Variants in FBN2 observed in about 807,000 individuals in gnomAD.
The protein encoded by FBN2 is fibrillin-2.
FBN2 carries 105 observed loss-of-function variants against 355.6 expected under a neutral mutation model. That is an observed-to-expected ratio of 0.30 (90% CI 0.25 to 0.35). The LOEUF (loss-of-function observed/expected upper bound fraction) is 0.35. FBN2 is among the 10% of genes least tolerant of loss of function. The pLI, the probability that FBN2 is intolerant of heterozygous loss-of-function variation, is 1.00. For missense variants in FBN2, 3,280 were observed against 3,758.7 expected (o/e 0.87, Z 3.33); for synonymous variants, 1,350 against 1,301.2 (o/e 1.04, Z -0.81).
At chr5:128,356,582 A>C (rs531541571) in intron 20 of FBN2, among the ~76,000 whole-genome samples, 9 of 152,380 alleles carry the variant, frequency 5.9e-5, no homozygotes, top group Non-Finnish European at 1.2e-4. Context: ...AGAGGCTAGA[A>C]GTAGGGAAAA....
chr5:128,322,149 T>C (rs1268768767), intron 34 of FBN2, among the ~76,000 whole-genome samples: 1 of 152,132 alleles, frequency 6.6e-6, no homozygotes, highest in Non-Finnish European at 1.5e-5. Flanking sequence ...TTTTTTTTCT[T>C]GTAAATTTAA....
At chr5:128,431,183 A>G (rs191906812) in intron 7 of FBN2, among the ~76,000 whole-genome samples, 1 of 152,368 alleles carries the variant, frequency 6.6e-6, no homozygotes, top group East Asian at 1.9e-4. Flanking sequence ...AAAACAGTAG[A>G]GCCAAATTTA....
intron 13 of FBN2, among the ~76,000 whole-genome samples, chr5:128,377,420 T>C (rs1410028589): frequency 6.6e-6 from 1 of 152,104 alleles, no homozygotes; most frequent in Admixed American, 6.6e-5. Flanking sequence ...ACACCTGAAA[T>C]ACAGTAGCGG....
At chr5:128,307,225 A>C (rs202199515) in intron 41 of FBN2, 22 bp from the exon 42 acceptor site, 22 of 1,376,636 alleles carry the variant, frequency 1.6e-5, no homozygotes, top group Non-Finnish European at 2.0e-5. Flanking sequence ...AAACAAAGCA[A>C]TGCACTCTTA....
At chr5:128,349,184 T>C (rs1751276767) in intron 23 of FBN2, among the ~76,000 whole-genome samples, 163 bp downstream of exon 23, 1 of 152,200 alleles carries the variant, frequency 6.6e-6, no homozygotes. Flanking sequence ...TTCGCATAAA[T>C]ACATTCACTT....
At chr5:128,343,574 T>A (rs767082211) in intron 25 of FBN2, among the ~76,000 whole-genome samples, 1 of 152,092 alleles carries the variant, frequency 6.6e-6, no homozygotes, top group African/African-American at 2.4e-5. Flanking sequence ...AAGACACAGC[T>A]CAAGGGTCTG....
intron 39 of FBN2, among the ~76,000 whole-genome samples, chr5:128,310,530 C>G (rs911457503): frequency 6.6e-6 from 1 of 151,530 alleles, no homozygotes; most frequent in Non-Finnish European, 1.5e-5. Context: ...GTTGGGAAAG[C>G]CTTTGTCTTT....
chr5:128,492,529 G>A (rs1001701967), intron 5 of FBN2, among the ~76,000 whole-genome samples: 10 of 152,228 alleles, frequency 6.6e-5, no homozygotes, highest in South Asian at 6.2e-4. Flanking sequence ...CTGGCTGGGC[G>A]CGGTAGCTCA....
At chr5:128,383,480 G>A (rs919615912) in intron 11 of FBN2, among the ~76,000 whole-genome samples, 1 of 151,880 alleles carries the variant, frequency 6.6e-6, no homozygotes, top group Non-Finnish European at 1.5e-5. Flanking sequence ...AAGCTTCGTC[G>A]GAATTAAAAA....
intron 7 of FBN2, among the ~76,000 whole-genome samples, chr5:128,427,455 A>G (rs73784597): frequency 6.6e-6 from 1 of 152,190 alleles, no homozygotes. Context: ...CATAGACCTC[A>G]GACCAAGGGG....
At chr5:128,479,423 T>C (rs965244571) in intron 5 of FBN2, among the ~76,000 whole-genome samples, 1 of 152,174 alleles carries the variant, frequency 6.6e-6, no homozygotes, top group Non-Finnish European at 1.5e-5. Flanking sequence ...ACGTATATAG[T>C]AATATTATAT....
intron 5 of FBN2, among the ~76,000 whole-genome samples, chr5:128,512,833 G>A (rs1425038344): frequency 6.6e-6 from 1 of 151,884 alleles, no homozygotes; most frequent in African/African-American, 2.4e-5. Flanking sequence ...TTGATAACTG[G>A]GGAGTCCTCT....
At chr5:128,445,105 A>G (rs1314677161) in intron 7 of FBN2, among the ~76,000 whole-genome samples, 1 of 152,214 alleles carries the variant, frequency 6.6e-6, no homozygotes, top group African/African-American at 2.4e-5. Flanking sequence ...CATGTCTTCC[A>G]AGTGTTACTT....
intron 7 of FBN2, among the ~76,000 whole-genome samples, chr5:128,409,702 C>T (rs1014782355): frequency 2.0e-5 from 3 of 151,866 alleles, no homozygotes; most frequent in Non-Finnish European, 4.4e-5. Flanking sequence ...ACAGAGGTAG[C>T]AAAAGCCAGT....
At chr5:128,506,216 T>C (rs978379160) in intron 5 of FBN2, among the ~76,000 whole-genome samples, 5 of 152,160 alleles carry the variant, frequency 3.3e-5, no homozygotes, top group African/African-American at 1.2e-4. Flanking sequence ...AGACTTTTGC[T>C]GTGATTTTGA....
At position 128,273,068 on chromosome 5, in the gene FBN2, T is replaced by TA. The variant is rs538383659; in HGVS notation, c.7840+771dup. Among the ~76,000 whole-genome samples the TA allele has an allele frequency of 1.5e-3, 230 of 152,266 alleles. 1 individual carries two copies. Among genetic ancestry groups the TA allele is most frequent in the African/African-American group, 5.4e-3 (224 of 41,546 alleles). On this transcript the variant is annotated intron_variant, in intron 61 of 64. Transcript: ENST00000262464. ...CAAATCATATATTTCTAAGAATAGT[T>TA]AATGTTAAAAGGGTGATTAAAATCA...
Position 128,307,007 on chromosome 5 carries a change from C to A in FBN2, c.5422+128G>T, listed in dbSNP as rs890200862. On this transcript the variant is annotated intron_variant, in intron 42 of 64. Coordinates refer to ENST00000262464, the MANE Select transcript of FBN2 (RefSeq NM_001999.4). ...TGTAAGCCTGTTATTTCTCTCTTAT[C>A]TAACTATATTAGATTGGATCCCAGA... 47 of 690,194 alleles carry A rather than the reference C, an allele frequency of 6.8e-5. No individual in the cohort carries two copies. In the Middle Eastern group the frequency reaches 1.6e-3, roughly 23 times the overall value. 42.8% of individuals were successfully genotyped at this position (690,194 alleles called of 1,614,324 possible).
chr5:128,392,000 A>G lies in FBN2; in HGVS notation c.1603+18T>C. 1 of 1,610,496 alleles carries G rather than the reference A, an allele frequency of 6.2e-7. No homozygotes were observed. ...ACTAAAAAAACTAAGAAGGATTATTAAAGAATCACAAACTTACCTATACAA... is the reference window on the plus strand; with the variant it reads ...ACTAAAAAAACTAAGAAGGATTATTGAAGAATCACAAACTTACCTATACAA... On this transcript the variant is annotated intron_variant, in intron 11 of 64. Coordinates refer to ENST00000262464, the MANE Select transcript of FBN2 (RefSeq NM_001999.4).
intron 5 of FBN2, among the ~76,000 whole-genome samples, chr5:128,474,098 G>A (rs893849542): frequency 3.9e-5 from 6 of 152,152 alleles, no homozygotes; most frequent in Admixed American, 2.0e-4. Flanking sequence ...CGTTTCATAC[G>A]GGTGAAGGCC....
Sources: gnomAD v4.1 joint callset for allele counts (sites outside exome capture counted in the v4.1 genomes callset) on GRCh38, gnomAD v4.1.1 for gene constraint, MANE v1.5 for transcripts, NCBI Gene and HGNC (gene_info 2026-07-23, HGNC 2026-07-21) for gene names.